ABCB10: variants seen among roughly 807,000 people sequenced by gnomAD.
ABCB10 encodes the protein ATP binding cassette subfamily B member 10.
A neutral mutation model predicts 65.4 loss-of-function variants in ABCB10; 54 were observed. That is an observed-to-expected ratio of 0.83 (90% CI 0.66 to 1.04). ABCB10 has a LOEUF of 1.04. Ranked by LOEUF, ABCB10 falls within the 50% of genes least tolerant of loss-of-function variation. The probability of loss-of-function intolerance (pLI) is 0.00; values close to 1 mark genes in which losing one functional copy is unlikely to be tolerated. For synonymous variants in ABCB10, 418 were observed against 406.5 expected (o/e 1.03, Z -0.34); for missense variants, 846 against 976.6 (o/e 0.87, Z 1.78).
chr1:229,526,977 A>G (rs533200233), intron 9 of ABCB10, among the ~76,000 whole-genome samples: 1 of 152,202 alleles, frequency 6.6e-6, no homozygotes, highest in Admixed American at 6.5e-5. Flanking sequence ...CCCATCCTCT[A>G]GACTATCTAG....
rs895741052 is a variant in ABCB10 at position 229,518,117 on chromosome 1, GT to G, written c.*61del. On this transcript the variant is annotated 3_prime_UTR_variant, in exon 13 of 13. Coordinates refer to ENST00000344517, the MANE Select transcript of ABCB10 (RefSeq NM_012089.3). Reference sequence around the variant, plus strand: ...GGTTTATGTATTTCATAGTCTCTGAGTTTTTTTTCTGCAACACTGTTTTGCA... The same window carrying G: ...GGTTTATGTATTTCATAGTCTCTGAGTTTTTTTCTGCAACACTGTTTTGCA... 13 of 1,259,002 alleles carry G rather than the reference GT, an allele frequency of 1.0e-5. No individual in the cohort carries two copies. The highest frequency in any genetic ancestry group is 7.5e-5 in the African/African-American group (5 of 66,844). The allele number at this position is 1,259,002 out of a possible 1,614,324, so 78.0% of individuals were successfully genotyped here. A position where few individuals can be genotyped will look rare whatever the true frequency, so the allele number is the denominator to read the frequency against.
At chr1:229,550,690 TAA>T (rs11301432) in intron 1 of ABCB10, among the ~76,000 whole-genome samples, 86 of 138,538 alleles carry the variant, frequency 6.2e-4, no homozygotes, top group African/African-American at 9.8e-4. Context: ...CTGTCTCTAC[TAA>T]AAAAAAAAAA....
chr1:229,554,024 G>A (rs551844508), intron 1 of ABCB10, among the ~76,000 whole-genome samples: 10 of 152,330 alleles, frequency 6.6e-5, no homozygotes, highest in Middle Eastern at 3.4e-3. Flanking sequence ...CAAGAGGTTC[G>A]CACTGCAGTC....
chr1:229,548,448 G>A (rs1489850036), intron 2 of ABCB10, among the ~76,000 whole-genome samples: 6 of 152,158 alleles, frequency 3.9e-5, no homozygotes, highest in Admixed American at 6.5e-5. Context: ...TAAATGGAGA[G>A]CAACAGACTT....
chr1:229,529,667 CAAAAAAAA>C (rs969766089), intron 8 of ABCB10, among the ~76,000 whole-genome samples: 1 of 23,210 alleles, frequency 4.3e-5, no homozygotes, highest in Non-Finnish European at 8.1e-5. Context: ...AAGACTGTCT[CAAAAAAAA>C]AAAAAAAAAA....
Position 229,549,453 on chromosome 1 carries a change from C to T in ABCB10, c.518-19G>A. 3.1e-6 allele frequency: 5 copies of T among 1,607,234 alleles called. No individual in the cohort carries two copies. The highest frequency in any genetic ancestry group is 4.3e-6 in the Non-Finnish European group (5 of 1,176,258). On this transcript the variant is annotated intron_variant, in intron 1 of 12. Transcript: ENST00000344517. ...ACCGCAGCTAGAAAACACAAGCACT[C>T]TCAATGTTCAGGTTGCTTCAGCAAA...
At chr1:229,519,010 A>G in intron 11 of ABCB10, 135 bp from the exon 12 acceptor site, 1 of 657,718 alleles carries the variant, frequency 1.5e-6, no homozygotes, top group Non-Finnish European at 2.5e-6. Context: ...TAAGTGAAAG[A>G]AGCCAGACAC....
At chr1:229,534,369 T>C (rs1226660147) in intron 6 of ABCB10, among the ~76,000 whole-genome samples, 4 of 152,144 alleles carry the variant, frequency 2.6e-5, no homozygotes, top group African/African-American at 7.2e-5. Context: ...TGGGAGTTTC[T>C]TACAAAACTA....
chr1:229,550,342 A>G (rs560187942), intron 1 of ABCB10, among the ~76,000 whole-genome samples: 1 of 151,932 alleles, frequency 6.6e-6, no homozygotes, highest in South Asian at 2.1e-4. Flanking sequence ...CCTAGACAAC[A>G]TGGCAAAACC....
At chr1:229,558,000 C>T in intron 1 of ABCB10, 136 bp downstream of exon 1, 5 of 973,598 alleles carry the variant, frequency 5.1e-6, no homozygotes, top group Non-Finnish European at 6.6e-6. Context: ...CTCCCTCCTC[C>T]GGGGTTAGGA....
chr1:229,554,282 A>G (rs1180205091), intron 1 of ABCB10, among the ~76,000 whole-genome samples: 1 of 152,172 alleles, frequency 6.6e-6, no homozygotes, highest in Non-Finnish European at 1.5e-5. Flanking sequence ...GTAGAGGAAG[A>G]AGCCAGGGAC....
chr1:229,550,206 G>A (rs1039321616), intron 1 of ABCB10, among the ~76,000 whole-genome samples: 1 of 152,090 alleles, frequency 6.6e-6, no homozygotes, highest in Admixed American at 6.6e-5. Context: ...CTAAAAAACA[G>A]GCAAACAAGA....
In ABCB10 at chr1:229,558,482, C is replaced by T. The variant is rs948467880; in HGVS notation, c.171G>A (p.Ala57=). The T allele has an allele frequency of 4.5e-4, 583 of 1,293,870 alleles. No individual in the cohort carries two copies. The highest frequency in any genetic ancestry group is 5.1e-4 in the Non-Finnish European group (522 of 1,020,706). 80.1% of individuals were successfully genotyped at this position (1,293,870 alleles called of 1,614,324 possible). A position where few individuals can be genotyped will look rare whatever the true frequency, so the allele number is the denominator to read the frequency against. Residue 57 remains alanine, a synonymous_variant, in exon 1 of 13, where the codon GCG becomes GCA. Coordinates refer to ENST00000344517, the MANE Select transcript of ABCB10 (RefSeq NM_012089.3). ...RPARLWGAGP[A]LLWGVGAARR... ...GCGCGGCTCCAACGCCCCAGAGCAG[C>T]GCGGGCCCCGCGCCCCATAGCCGCG... is the stretch of plus-strand genomic sequence containing the variant.
intron 6 of ABCB10, among the ~76,000 whole-genome samples, chr1:229,536,654 T>C (rs1662728187): frequency 6.6e-6 from 1 of 151,986 alleles, no homozygotes; most frequent in African/African-American, 2.4e-5. Context: ...TATTCAACCA[T>C]AAAAAGGAAT....
chr1:229,522,864 T>C (rs1662350057), intron 10 of ABCB10, among the ~76,000 whole-genome samples: 1 of 152,140 alleles, frequency 6.6e-6, no homozygotes, highest in Non-Finnish European at 1.5e-5. Context: ...TTTTTATTTT[T>C]TTTGAGACAA....
intron 10 of ABCB10, among the ~76,000 whole-genome samples, chr1:229,523,678 T>G (rs1351252350): frequency 6.6e-6 from 1 of 152,182 alleles, no homozygotes; most frequent in East Asian, 1.9e-4. Context: ...GTGCTCTGTC[T>G]TCCTCCCAGA....
intron 1 of ABCB10, among the ~76,000 whole-genome samples, chr1:229,556,759 T>C (rs970479251): frequency 1.3e-5 from 2 of 152,058 alleles, no homozygotes; most frequent in African/African-American, 4.8e-5. Flanking sequence ...CATACAGAAG[T>C]GGTGGGCGCA....
chr1:229,521,258 T>C (rs1662307778), intron 11 of ABCB10, among the ~76,000 whole-genome samples: 1 of 152,164 alleles, frequency 6.6e-6, no homozygotes, highest in African/African-American at 2.4e-5. Flanking sequence ...TGTACAAATA[T>C]GCATACTTAC....
chr1:229,521,529 T>G, intron 11 of ABCB10, 63 bp downstream of exon 11: 4 of 1,493,872 alleles, frequency 2.7e-6, no homozygotes, highest in Non-Finnish European at 3.6e-6. Context: ...AAATTACAAA[T>G]TACAAGGTCC....
Sources: allele counts gnomAD v4.1 joint callset (sites outside exome capture counted in the v4.1 genomes callset), GRCh38; gene constraint gnomAD v4.1.1; transcripts MANE v1.5; gene names NCBI Gene and HGNC (gene_info 2026-07-23, HGNC 2026-07-21).